The following DMRT1 variants were observed in gnomAD, a reference collection of about 807,000 sequenced individuals.
The protein encoded by DMRT1 is doublesex and mab-3 related transcription factor 1, also known as doublesex- and mab-3-related transcription factor 1.
DMRT1 carries 7 observed loss-of-function variants against 32.3 expected under a neutral mutation model. The ratio of observed to expected loss-of-function variants is 0.22; its 90% CI spans 0.12 to 0.41. The LOEUF is 0.41. Ranked by LOEUF, DMRT1 falls within the 10% of genes least tolerant of loss-of-function variation. The pLI, the probability that DMRT1 is intolerant of heterozygous loss-of-function variation, is 1.00. For missense variants in DMRT1, 625 were observed against 500.5 expected, an observed-to-expected ratio of 1.25 and a Z score of -2.37; for synonymous variants, 278 against 206.1, an observed-to-expected ratio of 1.35 and a Z score of -2.99.
chr9:954,142 G>A (rs1431540375), intron 4 of DMRT1, among the ~76,000 whole-genome samples: 1 of 152,150 alleles, frequency 6.6e-6, no homozygotes, highest in Non-Finnish European at 1.5e-5. Context: ...AGGCTAGGAC[G>A]TGGCATAATA....
At chr9:872,899 C>T (rs997630311) in intron 2 of DMRT1, among the ~76,000 whole-genome samples, 1 of 152,138 alleles carries the variant, frequency 6.6e-6, no homozygotes, top group African/African-American at 2.4e-5. Flanking sequence ...GTGTGACATA[C>T]ATTTACACAA....
intron 4 of DMRT1, among the ~76,000 whole-genome samples, chr9:942,229 C>G (rs1819097753): frequency 6.6e-6 from 1 of 152,080 alleles, no homozygotes; most frequent in Admixed American, 6.6e-5. Context: ...AGCTTTCTTC[C>G]TCAGTTTTGG....
intron 2 of DMRT1, among the ~76,000 whole-genome samples, chr9:887,206 C>A (rs1363282769): frequency 6.6e-6 from 1 of 152,190 alleles, no homozygotes; most frequent in Non-Finnish European, 1.5e-5. Flanking sequence ...CTCAAACAAA[C>A]AAACAATGTA....
At position 961,542 on chromosome 9, in the gene DMRT1, T is replaced by C. The variant is rs149833171; in HGVS notation, c.968-6443T>C. ...TGTTCACAGACATTCTGGTGTTTGA[T>C]TTGATGCCAGCCATCTTCTCACCTC... On this transcript the variant is annotated intron_variant, in intron 4 of 4. Transcript: ENST00000382276. Among the ~76,000 whole-genome samples the C allele has an allele frequency of 1.6e-4, 24 of 152,314 alleles. No homozygotes were observed. In the East Asian group the frequency reaches 4.6e-3, roughly 29 times the overall value.
chr9:923,948 A>G (rs768789995), intron 4 of DMRT1, among the ~76,000 whole-genome samples: 21 of 152,132 alleles, frequency 1.4e-4, no homozygotes, highest in Non-Finnish European at 2.5e-4. Flanking sequence ...CTTGGAACAG[A>G]GAAGTAAGTG....
intron 2 of DMRT1, among the ~76,000 whole-genome samples, chr9:856,037 C>G (rs1815385036): frequency 6.6e-6 from 1 of 152,098 alleles, no homozygotes; most frequent in Non-Finnish European, 1.5e-5. Flanking sequence ...CTGCTTCAGC[C>G]TTCTGAGCAG....
At chr9:860,494 C>T (rs953887526) in intron 2 of DMRT1, among the ~76,000 whole-genome samples, 4 of 152,044 alleles carry the variant, frequency 2.6e-5, no homozygotes, top group Admixed American at 6.6e-5. Context: ...CTTCTTTATT[C>T]GTTCAACAAA....
intron 2 of DMRT1, among the ~76,000 whole-genome samples, chr9:891,438 G>A (rs1817145970): frequency 6.6e-6 from 1 of 150,382 alleles, no homozygotes; most frequent in Non-Finnish European, 1.5e-5. Context: ...GCGACAGAGT[G>A]AGACCCTGTC....
intron 2 of DMRT1, among the ~76,000 whole-genome samples, chr9:862,032 G>A (rs368722893): frequency 1.3e-4 from 20 of 151,090 alleles, no homozygotes; most frequent in South Asian, 8.4e-4. Flanking sequence ...GCGGCCGGGC[G>A]GAGGGGCTCC....
intron 3 of DMRT1, 105 bp from the exon 4 acceptor site, chr9:916,658 C>A: frequency 7.1e-7 from 1 of 1,399,044 alleles, no homozygotes; most frequent in South Asian, 1.2e-5. Flanking sequence ...AGGCATGAGC[C>A]ACTGTGCCCA....
chr9:919,623 A>T (rs995157717), intron 4 of DMRT1, among the ~76,000 whole-genome samples: 6 of 152,104 alleles, frequency 3.9e-5, no homozygotes, highest in Non-Finnish European at 7.4e-5. Context: ...TTCAAGTGAG[A>T]TGGGGAGCCA....
At chr9:957,314 T>G (rs981221368) in intron 4 of DMRT1, among the ~76,000 whole-genome samples, 9 of 152,222 alleles carry the variant, frequency 5.9e-5, no homozygotes, top group Non-Finnish European at 1.3e-4. Context: ...CTAAACCTCT[T>G]TAGGGTTAAA....
intron 3 of DMRT1, among the ~76,000 whole-genome samples, chr9:902,201 C>CCCA (rs1817613022): frequency 6.6e-6 from 1 of 151,150 alleles, no homozygotes; most frequent in African/African-American, 2.4e-5. Flanking sequence ...TGAGCCACCG[C>CCCA]GCCAGCCACT....
chr9:957,812 C>A (rs576754792), intron 4 of DMRT1, among the ~76,000 whole-genome samples: 1 of 151,950 alleles, frequency 6.6e-6, no homozygotes, highest in Non-Finnish European at 1.5e-5. Context: ...GAGTTCGAGA[C>A]CAGCCTGACC....
intron 3 of DMRT1, among the ~76,000 whole-genome samples, chr9:904,843 G>C (rs576796191): frequency 6.6e-6 from 1 of 151,838 alleles, no homozygotes; most frequent in Non-Finnish European, 1.5e-5. Context: ...ACTCGAGGCT[G>C]AGGCAGGAGA....
In DMRT1 at chr9:949,675, A is replaced by G. The variant is rs111232819; in HGVS notation, c.968-18310A>G. ...TAAGCTGCACAGATTTCTAGGACTTATCTTGTGTAACTGAAACTTTGTACC... is the reference window on the plus strand; with the variant it reads ...TAAGCTGCACAGATTTCTAGGACTTGTCTTGTGTAACTGAAACTTTGTACC... On this transcript the variant is annotated intron_variant, in intron 4 of 4. Transcript: ENST00000382276. Among the ~76,000 whole-genome samples the G allele has an allele frequency of 2.4e-3, 365 of 152,300 alleles. 4 individuals are homozygous for G. Among genetic ancestry groups the G allele is most frequent in the African/African-American group, 8.5e-3 (353 of 41,574 alleles).
At chr9:905,244 C>A (rs1817727552) in intron 3 of DMRT1, among the ~76,000 whole-genome samples, 1 of 152,186 alleles carries the variant, frequency 6.6e-6, no homozygotes, top group Admixed American at 6.5e-5. Context: ...GTGGGCATCA[C>A]CATTGAGATG....
rs567024850 is a variant in DMRT1, at chr9:928,655, G to GT, written c.967+11754dup. Among the ~76,000 whole-genome samples the GT allele has an allele frequency of 5.3e-4, 81 of 152,238 alleles. 1 individual carries two copies. The highest frequency in any genetic ancestry group is 1.8e-3 in the African/African-American group (74 of 41,532). On this transcript the variant is annotated intron_variant, in intron 4 of 4. Coordinates refer to ENST00000382276, the MANE Select transcript of DMRT1 (RefSeq NM_021951.3). ...AGACTATACCCAAATCAGCCCAGTA[G>GT]TTTTTTACCAGGGTGGGTCGGCCCA...
At chr9:946,353 A>G (rs1819245106) in intron 4 of DMRT1, among the ~76,000 whole-genome samples, 1 of 152,100 alleles carries the variant, frequency 6.6e-6, no homozygotes, top group Non-Finnish European at 1.5e-5. Context: ...GTGGATGGGA[A>G]ATGGAGTCTA....
Sources: gnomAD v4.1 joint callset for allele counts (sites outside exome capture counted in the v4.1 genomes callset) on GRCh38, gnomAD v4.1.1 for gene constraint, MANE v1.5 for transcripts, NCBI Gene and HGNC (gene_info 2026-07-23, HGNC 2026-07-21) for gene names.